GABRB1: variants seen among roughly 807,000 people sequenced by gnomAD.
GABRB1 encodes gamma-aminobutyric acid type A receptor subunit beta1, also known as gamma-aminobutyric acid receptor subunit beta-1.
A neutral mutation model predicts 51.6 loss-of-function variants in GABRB1; 17 were observed. That is an observed-to-expected ratio of 0.33 (90% CI 0.23 to 0.49). The LOEUF (loss-of-function observed/expected upper bound fraction) is 0.49, where lower values mean the gene tolerates loss of function less well. Among genes scored for constraint, GABRB1 ranks in the 20% least tolerant of loss-of-function variants. GABRB1 has a pLI of 0.99. For synonymous variants in GABRB1, 247 were observed against 218.9 expected, an observed-to-expected ratio of 1.13 and a Z score of -1.14; for missense variants, 410 against 600.6, an observed-to-expected ratio of 0.68 and a Z score of 3.32.
chr4:47,062,340 T>A (rs1164757429), intron 3 of GABRB1, among the ~76,000 whole-genome samples: 1 of 151,402 alleles, frequency 6.6e-6, no homozygotes, highest in African/African-American at 2.4e-5. Context: ...TTGTTGTTGC[T>A]TGGTTGTTTT....
intron 4 of GABRB1, among the ~76,000 whole-genome samples, chr4:47,196,356 AG>A (rs1299933664): frequency 1.3e-5 from 2 of 152,210 alleles, no homozygotes; most frequent in Admixed American, 1.3e-4. Flanking sequence ...AGGTCTTCAC[AG>A]GGTTCAGACT....
At chr4:47,363,735 G>A (rs576941269) in intron 5 of GABRB1, among the ~76,000 whole-genome samples, 88 of 152,234 alleles carry the variant, frequency 5.8e-4, no homozygotes, top group African/African-American at 2.0e-3. Context: ...GGGCTAATAA[G>A]GAAGGAATCC....
intron 5 of GABRB1, among the ~76,000 whole-genome samples, chr4:47,354,352 G>A (rs184695281): frequency 5.9e-5 from 9 of 152,282 alleles, no homozygotes; most frequent in Non-Finnish European, 4.4e-5. Context: ...CTAGTGTGCT[G>A]TGTAAATTCC....
chr4:47,093,670 A>T (rs2109591604), intron 3 of GABRB1, among the ~76,000 whole-genome samples: 1 of 152,378 alleles, frequency 6.6e-6, no homozygotes, highest in Non-Finnish European at 1.5e-5. Context: ...TAAGTTCTTA[A>T]TCAAAAGTGT....
At chr4:47,002,155 A>G (rs1323791862) in intron 1 of GABRB1, among the ~76,000 whole-genome samples, 2 of 152,230 alleles carry the variant, frequency 1.3e-5, no homozygotes, top group Non-Finnish European at 2.9e-5. Context: ...TGGAGACAAC[A>G]AAATACTAGA....
chr4:47,050,110 T>C (rs1382652429), intron 3 of GABRB1, among the ~76,000 whole-genome samples: 1 of 152,172 alleles, frequency 6.6e-6, no homozygotes, highest in African/African-American at 2.4e-5. Context: ...TATTTGGATA[T>C]TCACATTGTC....
chr4:47,274,555 G>A (rs971125189), intron 4 of GABRB1, among the ~76,000 whole-genome samples: 1 of 151,744 alleles, frequency 6.6e-6, no homozygotes, highest in Admixed American at 6.6e-5. Flanking sequence ...GCCTAGATAG[G>A]GGTCTCTTCT....
At chr4:47,352,302 A>G (rs1726379305) in intron 5 of GABRB1, among the ~76,000 whole-genome samples, 1 of 152,144 alleles carries the variant, frequency 6.6e-6, no homozygotes, top group Admixed American at 6.6e-5. Context: ...AGAGTCCAGG[A>G]CCAGATGGAT....
At chr4:47,356,496 G>T (rs139643477) in intron 5 of GABRB1, among the ~76,000 whole-genome samples, 1 of 152,220 alleles carries the variant, frequency 6.6e-6, no homozygotes, top group African/African-American at 2.4e-5. Context: ...AGTCAATCTT[G>T]TCTGCTGTGC....
chr4:47,323,162 A>G (rs1053297208), intron 5 of GABRB1, among the ~76,000 whole-genome samples: 7 of 152,184 alleles, frequency 4.6e-5, no homozygotes, highest in Admixed American at 2.0e-4. Context: ...GGGTCAAACA[A>G]TTGCAGCTAC....
chr4:47,332,553 G>GA (rs1253621250), intron 5 of GABRB1, among the ~76,000 whole-genome samples: 2 of 152,086 alleles, frequency 1.3e-5, no homozygotes, highest in African/African-American at 2.4e-5. Context: ...TCTTTAAGAT[G>GA]AAAGACTTTT....
intron 4 of GABRB1, among the ~76,000 whole-genome samples, chr4:47,230,917 G>A (rs946786654): frequency 1.3e-5 from 2 of 152,162 alleles, no homozygotes; most frequent in Non-Finnish European, 2.9e-5. Flanking sequence ...TCAAATGACT[G>A]CCTAATTCCA....
intron 1 of GABRB1, among the ~76,000 whole-genome samples, chr4:47,021,305 T>C (rs907177741): frequency 6.6e-6 from 1 of 152,188 alleles, no homozygotes. Flanking sequence ...GAATTCCAGA[T>C]AAGTAAGAGA....
chr4:47,414,205 T>C (rs1728844447), intron 8 of GABRB1, among the ~76,000 whole-genome samples: 1 of 152,196 alleles, frequency 6.6e-6, no homozygotes, highest in Non-Finnish European at 1.5e-5. Flanking sequence ...TTAGTTAATC[T>C]AGAAAGTTTA....
chr4:47,306,767 ACACTATGTAAG>A (rs1724487948), intron 4 of GABRB1, among the ~76,000 whole-genome samples: 1 of 152,126 alleles, frequency 6.6e-6, no homozygotes, highest in South Asian at 2.1e-4. Context: ...TTTCCACACA[ACACTATGTAAG>A]ACATACCCAT....
chr4:47,022,971 G>T (rs1021862794), intron 1 of GABRB1, among the ~76,000 whole-genome samples: 1 of 151,882 alleles, frequency 6.6e-6, no homozygotes, highest in Non-Finnish European at 1.5e-5. Flanking sequence ...GTACATATAC[G>T]CAACAGAGTA....
chr4:47,383,938 T>A (rs1477858708), intron 5 of GABRB1, among the ~76,000 whole-genome samples: 2 of 152,108 alleles, frequency 1.3e-5, no homozygotes, highest in Non-Finnish European at 2.9e-5. Context: ...ACTAAAATCA[T>A]CATGAAAACC....
chr4:47,081,751 C>A (rs984193098), intron 3 of GABRB1, among the ~76,000 whole-genome samples: 1 of 151,972 alleles, frequency 6.6e-6, no homozygotes, highest in Non-Finnish European at 1.5e-5. Context: ...CGTCTACTGG[C>A]TTTTTTGCAT....
chr4:47,066,933 GTAGCTATAATAT>G (rs1727113040), intron 3 of GABRB1, among the ~76,000 whole-genome samples: 1 of 152,050 alleles, frequency 6.6e-6, no homozygotes, highest in African/African-American at 2.4e-5. Context: ...ATTATCTCTG[GTAGCTATAATAT>G]TACAAAATGT....
Sources: allele counts gnomAD v4.1 joint callset (sites outside exome capture counted in the v4.1 genomes callset), GRCh38; gene constraint gnomAD v4.1.1; transcripts MANE v1.5; gene names NCBI Gene and HGNC (gene_info 2026-07-23, HGNC 2026-07-21).